Variants in ODF2 observed in about 807,000 individuals in gnomAD.
ODF2 encodes outer dense fiber protein 2.
In ODF2, 47 loss-of-function variants were observed where a neutral mutation model predicts 110.2. The ratio of observed to expected loss-of-function variants is 0.43; its 90% CI spans 0.34 to 0.54. The LOEUF is 0.54. Ranked by LOEUF, ODF2 falls within the 20% of genes least tolerant of loss-of-function variation. ODF2 has a pLI of 0.03. For missense variants in ODF2, 812 were observed against 1,054.5 expected, an observed-to-expected ratio of 0.77 and a Z score of 3.19; for synonymous variants, 352 against 397.7, an observed-to-expected ratio of 0.89 and a Z score of 1.37.
chr9:128,455,933 C>G, upstream of ODF2: 4 of 1,399,376 alleles, frequency 2.9e-6, no homozygotes, highest in South Asian at 3.2e-5. Context: ...GGGCGAGACC[C>G]GGCCAGGCCC....
At chr9:128,467,902 G>A (rs1024491860) in intron 4 of ODF2, among the ~76,000 whole-genome samples, 3 of 152,056 alleles carry the variant, frequency 2.0e-5, no homozygotes, top group Admixed American at 1.3e-4. Flanking sequence ...AGTAGACACG[G>A]GGTTTCAGTG....
upstream of ODF2, chr9:128,455,886 G>A: frequency 3.3e-6 from 4 of 1,217,704 alleles, no homozygotes; most frequent in Non-Finnish European, 4.3e-6. Flanking sequence ...ATCCAAGGCA[G>A]GGGAAACAGG....
intron 4 of ODF2, among the ~76,000 whole-genome samples, chr9:128,463,710 G>A (rs950234743): frequency 3.9e-5 from 6 of 152,210 alleles, no homozygotes; most frequent in Non-Finnish European, 7.3e-5. Flanking sequence ...ATGTATAAAC[G>A]CATATGTTTG....
exon 6 of ODF2, chr9:128,471,354 A>G: frequency 6.2e-7 from 1 of 1,613,326 alleles, no homozygotes; most frequent in Non-Finnish European, 8.5e-7. Context: ...AGGTTCCTGG[A>G]GGAACGGAAG....
At chr9:128,469,967 G>A (rs1839299537) in intron 5 of ODF2, among the ~76,000 whole-genome samples, 1 of 91,694 alleles carries the variant, frequency 1.1e-5, no homozygotes, top group Non-Finnish European at 2.0e-5. Context: ...CTGGGCGACA[G>A]AGAGAGTCTC....
chr9:128,492,909 G>C (rs569046846), intron 16 of ODF2, 104 bp downstream of exon 16: 48 of 938,864 alleles, frequency 5.1e-5, no homozygotes, highest in Admixed American at 6.6e-5. Flanking sequence ...CCTGATTTGG[G>C]CAACAAAGGT....
At chr9:128,482,311 G>A (rs1202873965) in intron 9 of ODF2, among the ~76,000 whole-genome samples, 2 of 152,222 alleles carry the variant, frequency 1.3e-5, no homozygotes, top group African/African-American at 2.4e-5. Context: ...CAAGCTCGGC[G>A]ATAATGCCTA....
chr9:128,498,372 G>T (rs759437867), intron 18 of ODF2, 41 bp from the exon 19 acceptor site: 2 of 1,495,686 alleles, frequency 1.3e-6, no homozygotes, highest in Admixed American at 2.4e-5. Context: ...AACATGACAG[G>T]TTGGGGTATG....
chr9:128,479,572 G>C (rs924865281), intron 8 of ODF2, among the ~76,000 whole-genome samples: 8 of 152,154 alleles, frequency 5.3e-5, no homozygotes, highest in African/African-American at 1.9e-4. Context: ...GCATTTTGCA[G>C]GGCATTTCAG....
At chr9:128,491,362 T>A (rs967958504) in intron 14 of ODF2, among the ~76,000 whole-genome samples, 1 of 151,124 alleles carries the variant, frequency 6.6e-6, no homozygotes, top group Admixed American at 6.6e-5. Flanking sequence ...TTGTTAATTT[T>A]AAAAGTGTGT....
In ODF2 at chr9:128,499,203, TTTG is replaced by T. The variant is rs1267053652; in HGVS notation, c.2301+83_2301+85del. On this transcript the variant is annotated intron_variant, in intron 20 of 20. Transcript: ENST00000604420. Reference sequence around the variant, plus strand: ...CTGTGGGGCCTGTGGGCCAAGGTGTTTTGTTGTTACTGTTTTTGTGAATATGAC... The same window carrying T: ...CTGTGGGGCCTGTGGGCCAAGGTGTTTTGTTACTGTTTTTGTGAATATGAC... The T allele has an allele frequency of 3.8e-6, 6 of 1,567,684 alleles. No individual in the cohort carries two copies. The Admixed American group carries it at 9.2e-5, about 24-fold the overall frequency.
chr9:128,477,181 C>G (rs1346529956), intron 8 of ODF2, among the ~76,000 whole-genome samples: 5 of 148,772 alleles, frequency 3.4e-5, no homozygotes, highest in African/African-American at 1.2e-4. Flanking sequence ...TGCAGTGAGC[C>G]TAGATTGCAC....
intron 4 of ODF2, chr9:128,468,948 A>T (rs1227077461): frequency 5.9e-6 from 3 of 508,782 alleles, no homozygotes; most frequent in Non-Finnish European, 1.0e-5. Context: ...CTTTATTTTA[A>T]ACTTAACATT....
Position 128,484,229 on chromosome 9 carries a change from C to T in ODF2, c.1104+175C>T, listed in dbSNP as rs1842953766. Among the ~76,000 whole-genome samples the T allele has an allele frequency of 3.3e-5, 5 of 152,160 alleles. No homozygotes were observed. The South Asian group carries it at 1.0e-3, about 31-fold the overall frequency. ...CCAGGACAGTGGCAAGAGCAATGGACAGAGACCCAGGAGGTGTTGGGCATC... is the reference window on the plus strand; with the variant it reads ...CCAGGACAGTGGCAAGAGCAATGGATAGAGACCCAGGAGGTGTTGGGCATC... On this transcript the variant is annotated intron_variant, in intron 11 of 20. Coordinates refer to ENST00000604420, the Ensembl canonical transcript of ODF2.
chr9:128,455,406 T>G, upstream of ODF2: 1 of 433,688 alleles, frequency 2.3e-6, no homozygotes, highest in Non-Finnish European at 4.0e-6. Flanking sequence ...AAAAAAAAAT[T>G]AGCCGGGCGT....
chr9:128,457,982 TA>T (rs1835382499), intron 2 of ODF2, among the ~76,000 whole-genome samples: 1 of 151,370 alleles, frequency 6.6e-6, no homozygotes, highest in Non-Finnish European at 1.5e-5. Flanking sequence ...CACGATGTAA[TA>T]CATATACAGC....
intron 20 of ODF2, 80 bp downstream of exon 20, chr9:128,499,206 G>A: frequency 6.5e-7 from 1 of 1,549,676 alleles, no homozygotes; most frequent in Non-Finnish European, 8.8e-7. Context: ...AAGGTGTTTT[G>A]TTGTTACTGT....
At chr9:128,461,197 G>A (rs900280827) in intron 4 of ODF2, 130 bp downstream of exon 4, 1 of 1,159,262 alleles carries the variant, frequency 8.6e-7, no homozygotes, top group African/African-American at 1.6e-5. Flanking sequence ...TGAGGGCCTT[G>A]CTAAACCCTG....
chr9:128,456,704 T>C lies in ODF2; in HGVS notation c.-209+449T>C, dbSNP rs1052285335. The C allele has an allele frequency of 1.1e-5, 15 of 1,369,140 alleles. No individual in the cohort carries two copies. The African/African-American group carries it at 2.2e-4, about 20-fold the overall frequency. The allele number at this position is 1,369,140 out of a possible 1,614,324, so 84.8% of individuals were successfully genotyped here. A position where few individuals can be genotyped will look rare whatever the true frequency, so the allele number is the denominator to read the frequency against. ...ATGGCAGTCACTTGTACGCCCTCCGTAGGCAGCGCTGTCCCCCGGGCACCG... is the reference window on the plus strand; with the variant it reads ...ATGGCAGTCACTTGTACGCCCTCCGCAGGCAGCGCTGTCCCCCGGGCACCG... On this transcript the variant is annotated intron_variant, in intron 1 of 20. Coordinates refer to ENST00000604420, the Ensembl canonical transcript of ODF2.
Sources: gnomAD v4.1 joint callset for allele counts (sites outside exome capture counted in the v4.1 genomes callset) on GRCh38, gnomAD v4.1.1 for gene constraint, MANE v1.5 for transcripts, NCBI Gene and HGNC (gene_info 2026-07-23, HGNC 2026-07-21) for gene names.